The following PCDH15 variants were observed in gnomAD, a reference collection of about 807,000 sequenced individuals.
PCDH15 encodes protocadherin-15.
A neutral mutation model predicts 178.5 loss-of-function variants in PCDH15; 129 were observed. The observed-to-expected ratio is 0.72, with a 90% CI of 0.63 to 0.84. The LOEUF (loss-of-function observed/expected upper bound fraction) is 0.84. Ranked by LOEUF, PCDH15 falls within the 40% of genes least tolerant of loss-of-function variation. The probability of loss-of-function intolerance (pLI) is 0.00; values close to 1 mark genes in which losing one functional copy is unlikely to be tolerated. For missense variants in PCDH15, 2,230 were observed against 2,099.9 expected (o/e 1.06, Z -1.21); for synonymous variants, 800 against 732.0 (o/e 1.09, Z -1.50).
intron 3 of PCDH15, among the ~76,000 whole-genome samples, chr10:54,384,780 C>T (rs34311947): frequency 0.054 from 8,198 of 152,014 alleles, 261 homozygotes; most frequent in Admixed American, 0.099. Flanking sequence ...AAAATATTTA[C>T]GTTATATTTA....
At chr10:55,149,019 C>G (rs975106039) in intron 2 of PCDH15, among the ~76,000 whole-genome samples, 1 of 151,156 alleles carries the variant, frequency 6.6e-6, no homozygotes, top group Non-Finnish European at 1.5e-5. Context: ...TCTTTATTAT[C>G]TTAGATGAAA....
At chr10:54,013,393 A>G (rs1398919172) in intron 20 of PCDH15, among the ~76,000 whole-genome samples, 1 of 152,062 alleles carries the variant, frequency 6.6e-6, no homozygotes, top group African/African-American at 2.4e-5. Flanking sequence ...GAATTCAACA[A>G]TTGAACAAAT....
chr10:54,361,605 C>A (rs1224714481), intron 5 of PCDH15, among the ~76,000 whole-genome samples: 2 of 151,858 alleles, frequency 1.3e-5, no homozygotes, highest in Non-Finnish European at 2.9e-5. Context: ...CATTATTATA[C>A]AGGTAGGAAG....
chr10:54,183,745 C>T (rs754835658), intron 12 of PCDH15, 152 bp from the exon 13 acceptor site: 35 of 802,366 alleles, frequency 4.4e-5, no homozygotes, highest in African/African-American at 2.2e-4. Flanking sequence ...GTAATAGAGA[C>T]GTAATATTAC....
intron 4 of PCDH15, among the ~76,000 whole-genome samples, chr10:54,378,080 T>C (rs538757399): frequency 7.2e-5 from 11 of 152,010 alleles, no homozygotes; most frequent in African/African-American, 2.7e-4. Context: ...CGTGTTACCA[T>C]GCCTGCCTAG....
chr10:54,187,326 T>A (rs2048562521), intron 11 of PCDH15, among the ~76,000 whole-genome samples: 1 of 151,938 alleles, frequency 6.6e-6, no homozygotes, highest in South Asian at 2.1e-4. Flanking sequence ...TTCACATTTT[T>A]AAGCATTTTT....
At chr10:55,584,972 G>T (rs992001965) in intron 2 of PCDH15, among the ~76,000 whole-genome samples, 1 of 150,982 alleles carries the variant, frequency 6.6e-6, no homozygotes, top group Admixed American at 6.6e-5. Context: ...TCATTAATTT[G>T]TTAAGTAAAC....
At chr10:55,133,976 T>C (rs1838125011) in intron 2 of PCDH15, among the ~76,000 whole-genome samples, 1 of 152,176 alleles carries the variant, frequency 6.6e-6, no homozygotes, top group Non-Finnish European at 1.5e-5. Context: ...CTTTAGTATA[T>C]TATAAACATG....
rs188677523 is a variant in PCDH15 at position 54,548,656 on chromosome 10, T to C, written c.92-20779A>G. ...TAAATATATAATACTTATATAAATA[T>C]ATATACATATGTTTGTTTCACATAT... On this transcript the variant is annotated intron_variant, in intron 2 of 37. Coordinates refer to ENST00000644397, the MANE Select transcript of PCDH15 (RefSeq NM_001384140.1). 6.4e-3 allele frequency among the ~76,000 whole-genome samples: 938 copies of C among 147,294 alleles called. 8 individuals are homozygous for C. Among genetic ancestry groups the C allele is most frequent in the African/African-American group, 0.022 (872 of 40,280 alleles).
intron 6 of PCDH15, among the ~76,000 whole-genome samples, chr10:54,337,112 A>G (rs1042113303): frequency 6.6e-6 from 1 of 150,588 alleles, no homozygotes; most frequent in Non-Finnish European, 1.5e-5. Context: ...TTTGGAATGT[A>G]TATATATATA....
At position 54,356,962 on chromosome 10, in the gene PCDH15, C is replaced by G. The variant is rs9415311; in HGVS notation, c.475-10478G>C. Among the ~76,000 whole-genome samples, 65 of 152,062 alleles carry G rather than the reference C, an allele frequency of 4.3e-4. No individual in the cohort carries two copies. In the East Asian group the frequency reaches 8.7e-3, roughly 20 times the overall value. On this transcript the variant is annotated intron_variant, in intron 5 of 37. Transcript: ENST00000644397. The stretch of plus-strand genomic sequence containing the variant: ...AAGGCCTTTGACAAAATTCAACAAC[C>G]CTTCATGCTAAAAAATCTCAATAAA...
At chr10:53,929,769 G>A (rs1184776855) in intron 25 of PCDH15, among the ~76,000 whole-genome samples, 1 of 152,102 alleles carries the variant, frequency 6.6e-6, no homozygotes, top group Non-Finnish European at 1.5e-5. Flanking sequence ...TAATTGTCTT[G>A]TAATTTATTC....
At chr10:53,934,283 T>C (rs951597159) in intron 25 of PCDH15, among the ~76,000 whole-genome samples, 4 of 152,078 alleles carry the variant, frequency 2.6e-5, no homozygotes, top group African/African-American at 9.7e-5. Flanking sequence ...CACCAGACCT[T>C]GCACCACTGT....
intron 2 of PCDH15, among the ~76,000 whole-genome samples, chr10:54,662,328 T>C (rs1467701024): frequency 6.6e-6 from 1 of 151,948 alleles, no homozygotes; most frequent in Non-Finnish European, 1.5e-5. Context: ...ATTAGAGAAA[T>C]GCAAGTTACA....
chr10:54,315,420 T>C (rs2061183787), intron 8 of PCDH15, among the ~76,000 whole-genome samples: 1 of 152,186 alleles, frequency 6.6e-6, no homozygotes, highest in Non-Finnish European at 1.5e-5. Context: ...TCATAGATGC[T>C]GGATATTAGA....
intron 26 of PCDH15, among the ~76,000 whole-genome samples, chr10:53,895,540 G>A (rs1263449867): frequency 6.6e-6 from 1 of 152,050 alleles, no homozygotes; most frequent in East Asian, 1.9e-4. Context: ...TTCCATATGT[G>A]CAACTTGTAA....
chr10:55,218,451 T>G (rs1840771417), intron 1 of PCDH15, among the ~76,000 whole-genome samples: 1 of 151,976 alleles, frequency 6.6e-6, no homozygotes, highest in South Asian at 2.1e-4. Context: ...ACATTATTAT[T>G]TTTTGCCATT....
chr10:53,823,736 C>T (rs1462584455), intron 32 of PCDH15: 1 of 443,430 alleles, frequency 2.3e-6, no homozygotes, highest in Non-Finnish European at 4.3e-6. Context: ...CCATCCTTGC[C>T]TGAGGATGCT....
chr10:55,139,436 C>G (rs1008166181), intron 2 of PCDH15, among the ~76,000 whole-genome samples: 1 of 151,978 alleles, frequency 6.6e-6, no homozygotes, highest in African/African-American at 2.4e-5. Context: ...TAAGTCCATG[C>G]TCCATTTTGA....
Sources: gnomAD v4.1 joint callset for allele counts (sites outside exome capture counted in the v4.1 genomes callset) on GRCh38, gnomAD v4.1.1 for gene constraint, MANE v1.5 for transcripts, NCBI Gene and HGNC (gene_info 2026-07-23, HGNC 2026-07-21) for gene names.